LRRC7: variants seen among roughly 807,000 people sequenced by gnomAD.
The protein encoded by LRRC7 is leucine-rich repeat-containing protein 7.
Under a neutral mutation model 175.7 loss-of-function variants are expected in LRRC7, and 23 were observed. The ratio of observed to expected loss-of-function variants is 0.13; its 90% CI spans 0.09 to 0.19. The LOEUF is 0.19. Ranked by LOEUF, LRRC7 falls within the 10% of genes least tolerant of loss-of-function variation. The pLI is 1.00. For missense variants in LRRC7, 1,354 were observed against 1,904.7 expected, an observed-to-expected ratio of 0.71 and a Z score of 5.38; for synonymous variants, 685 against 680.9, an observed-to-expected ratio of 1.01 and a Z score of -0.09.
chr1:70,054,560 A>G (rs1268789394), intron 23 of LRRC7, among the ~76,000 whole-genome samples: 1 of 105,254 alleles, frequency 9.5e-6, no homozygotes, highest in Non-Finnish European at 1.9e-5. Flanking sequence ...AAATTGAATT[A>G]TGGTTCTTTA....
chr1:70,035,625 CAAAAAAA>C (rs765207825), intron 18 of LRRC7, among the ~76,000 whole-genome samples: 4 of 71,842 alleles, frequency 5.6e-5, no homozygotes, highest in African/African-American at 1.8e-4. Flanking sequence ...TAGGGATGCA[CAAAAAAA>C]AAAAAAAAAA....
At chr1:69,952,668 C>G (rs527659367) in intron 8 of LRRC7, among the ~76,000 whole-genome samples, 2 of 151,996 alleles carry the variant, frequency 1.3e-5, no homozygotes, top group South Asian at 4.1e-4. Flanking sequence ...AAGAAGCATA[C>G]ATCTATAGTA....
chr1:69,993,701 A>T lies in LRRC7; in HGVS notation c.932-860A>T, dbSNP rs185570747. 8.9e-3 allele frequency among the ~76,000 whole-genome samples: 1,344 copies of T among 150,656 alleles called. 55 individuals carry two copies. The East Asian group carries it at 0.11, about 12-fold the overall frequency. ...GAAACTTACTATGTCAATTAGTAAA[A>T]TTTTTTTTTTGCAGAATGCAGCAAT... On this transcript the variant is annotated intron_variant, in intron 10 of 26. Transcript: ENST00000651989.
chr1:69,904,276 T>A (rs1053817526), intron 7 of LRRC7, among the ~76,000 whole-genome samples: 1 of 152,240 alleles, frequency 6.6e-6, no homozygotes, highest in East Asian at 1.9e-4. Flanking sequence ...TTTTGAGTAA[T>A]TTTTTGGAAG....
chr1:69,608,866 C>CTATATATA (rs200475842), intron 1 of LRRC7, among the ~76,000 whole-genome samples: 11 of 41,172 alleles, frequency 2.7e-4, no homozygotes, highest in African/African-American at 3.5e-4. Flanking sequence ...CTCTCTCTCT[C>CTATATATA]TATATATATA....
chr1:69,868,873 CTCTA>C lies in LRRC7; in HGVS notation c.647+30608_647+30611del, dbSNP rs566648455. Among the ~76,000 whole-genome samples, 635 of 151,422 alleles carry C rather than the reference CTCTA, an allele frequency of 4.2e-3. 1 individual carries two copies. Among genetic ancestry groups the C allele is most frequent in the Middle Eastern group, 0.027 (8 of 294 alleles). ...CCCCATGTCTTTACATGATTTCTCT[CTCTA>C]TCTATCTATCTATCTATATATGTAT... On this transcript the variant is annotated intron_variant, in intron 7 of 26. Transcript: ENST00000651989.
At chr1:69,969,006 G>A (rs914682636) in intron 8 of LRRC7, among the ~76,000 whole-genome samples, 1 of 151,806 alleles carries the variant, frequency 6.6e-6, no homozygotes, top group African/African-American at 2.4e-5. Flanking sequence ...TTTTAGTAGA[G>A]ACAGGGTTTC....
At chr1:69,774,444 A>T (rs1055743388) in intron 3 of LRRC7, among the ~76,000 whole-genome samples, 5 of 152,218 alleles carry the variant, frequency 3.3e-5, no homozygotes, top group African/African-American at 1.2e-4. Flanking sequence ...AGGATGAACA[A>T]ATCTAGAAAT....
chr1:70,043,825 A>G (rs766144389), intron 21 of LRRC7, 129 bp from the exon 22 acceptor site: 4 of 1,020,796 alleles, frequency 3.9e-6, no homozygotes, highest in Non-Finnish European at 5.6e-6. Flanking sequence ...GATCAAGTGC[A>G]TGTTTTTTTA....
Position 70,011,115 on chromosome 1 carries a change from A to G in LRRC7, c.1005-682A>G, listed in dbSNP as rs576921409. Reference sequence around the variant, plus strand: ...TCTAAAATACCACTATATAAATCAAACAAAACACATCTGCAGGCTGAAATG... The same window carrying G: ...TCTAAAATACCACTATATAAATCAAGCAAAACACATCTGCAGGCTGAAATG... On this transcript the variant is annotated intron_variant, in intron 11 of 26. Transcript: ENST00000651989. Among the ~76,000 whole-genome samples, 7 of 152,304 alleles carry G rather than the reference A, an allele frequency of 4.6e-5. No homozygotes were observed. The South Asian group carries it at 1.4e-3, about 32-fold the overall frequency.
Position 69,684,784 on chromosome 1 carries a change from G to A in LRRC7, c.100+6306G>A, listed in dbSNP as rs554224067. 4.6e-5 allele frequency among the ~76,000 whole-genome samples: 7 copies of A among 152,272 alleles called. No homozygotes were observed. In the East Asian group the frequency reaches 1.4e-3, roughly 29 times the overall value. On this transcript the variant is annotated intron_variant, in intron 2 of 26. Coordinates refer to ENST00000651989, the MANE Select transcript of LRRC7 (RefSeq NM_001370785.2). ...CAAAGCCTACTCGCTCAGTCCAGAG[G>A]ACCAAGAGAGAGAAAAACAACAGAG... is the stretch of plus-strand genomic sequence containing the variant.
At chr1:70,115,651 T>G (rs1665802475) in intron 26 of LRRC7, among the ~76,000 whole-genome samples, 1 of 152,290 alleles carries the variant, frequency 6.6e-6, no homozygotes, top group Middle Eastern at 3.4e-3. Context: ...CAATGTTATA[T>G]GAATGTAACC....
chr1:69,771,398 G>C (rs1672225738), intron 3 of LRRC7, among the ~76,000 whole-genome samples: 1 of 152,088 alleles, frequency 6.6e-6, no homozygotes, highest in South Asian at 2.1e-4. Flanking sequence ...AATTATGTGA[G>C]TCAATGAGAA....
At chr1:69,922,591 A>G (rs1646924334) in intron 7 of LRRC7, among the ~76,000 whole-genome samples, 2 of 152,196 alleles carry the variant, frequency 1.3e-5, no homozygotes, top group Admixed American at 1.3e-4. Flanking sequence ...GTTATGGAAT[A>G]AATAATTTTG....
chr1:70,059,474 AGT>A (rs10542055), intron 23 of LRRC7, among the ~76,000 whole-genome samples: 8,712 of 132,012 alleles, frequency 0.066, 424 homozygotes, highest in African/African-American at 0.15. Context: ...ACTAGAAGAA[AGT>A]GTGTGTGTGT....
intron 7 of LRRC7, among the ~76,000 whole-genome samples, chr1:69,842,045 C>G (rs1478795027): frequency 1.3e-5 from 2 of 151,898 alleles, no homozygotes; most frequent in African/African-American, 4.8e-5. Context: ...TAAGACATGA[C>G]AGGGAGAAAA....
chr1:69,869,042 A>C (rs1014442830), intron 7 of LRRC7, among the ~76,000 whole-genome samples: 5 of 152,022 alleles, frequency 3.3e-5, no homozygotes, highest in African/African-American at 9.7e-5. Context: ...TATCTTCAAT[A>C]TAGTCTTATT....
chr1:69,696,907 C>G (rs12568276), intron 2 of LRRC7, among the ~76,000 whole-genome samples: 33,642 of 152,056 alleles, frequency 0.22, 4,314 homozygotes, highest in African/African-American at 0.33. Flanking sequence ...CCAAAATAAA[C>G]CTCTTTTCTT....
chr1:70,043,295 T>C (rs1200841847), intron 21 of LRRC7, among the ~76,000 whole-genome samples: 1 of 152,170 alleles, frequency 6.6e-6, no homozygotes, highest in Non-Finnish European at 1.5e-5. Context: ...TAGTTTAAAA[T>C]ATAATTTTTA....
Sources: allele counts gnomAD v4.1 joint callset (sites outside exome capture counted in the v4.1 genomes callset), GRCh38; gene constraint gnomAD v4.1.1; transcripts MANE v1.5; gene names NCBI Gene and HGNC (gene_info 2026-07-23, HGNC 2026-07-21).